Variants in COL26A1 observed in about 807,000 individuals in gnomAD.
COL26A1 encodes collagen type XXVI alpha 1 chain.
Under a neutral mutation model 59.3 loss-of-function variants are expected in COL26A1, and 41 were observed. That is an observed-to-expected ratio of 0.69 (90% CI 0.54 to 0.90). The LOEUF is 0.90. Ranked by LOEUF, COL26A1 falls within the 40% of genes least tolerant of loss-of-function variation. The probability of loss-of-function intolerance (pLI) is 0.00; values close to 1 mark genes in which losing one functional copy is unlikely to be tolerated. For synonymous variants in COL26A1, 266 were observed against 256.0 expected (o/e 1.04, Z -0.37); for missense variants, 612 against 602.3 (o/e 1.02, Z -0.17).
At chr7:101,475,846 TTCTC>T (rs769853086) in intron 3 of COL26A1, among the ~76,000 whole-genome samples, 4 of 147,158 alleles carry the variant, frequency 2.7e-5, no homozygotes, top group African/African-American at 5.1e-5. Flanking sequence ...CTCTCTTTCT[TTCTC>T]TCTCTCTTTT....
intron 1 of COL26A1, among the ~76,000 whole-genome samples, chr7:101,369,709 C>T (rs991133200): frequency 6.6e-6 from 1 of 151,784 alleles, no homozygotes; most frequent in Non-Finnish European, 1.5e-5. Context: ...TCAGCTAGTC[C>T]TCTACTGATA....
At position 101,484,964 on chromosome 7, in the gene COL26A1, G is replaced by C. The variant is rs188779012; in HGVS notation, c.385+37177G>C. On this transcript the variant is annotated intron_variant, in intron 3 of 12. Transcript: ENST00000313669. ...CTGCCTCCTGGGTTCAGATGATTCT[G>C]CCTCAGTCTCTGAAGTAGCTGGGAT... is the stretch of plus-strand genomic sequence containing the variant. Among the ~76,000 whole-genome samples the C allele has an allele frequency of 2.5e-3, 382 of 152,234 alleles. 1 individual carries two copies. The highest frequency in any genetic ancestry group is 8.6e-3 in the African/African-American group (358 of 41,536).
intron 1 of COL26A1, among the ~76,000 whole-genome samples, chr7:101,402,564 TTTCTTTCTTTCC>T (rs1338140704): frequency 5.4e-4 from 82 of 151,910 alleles, no homozygotes; most frequent in Non-Finnish European, 8.4e-4. Flanking sequence ...TTTTTCTTTC[TTTCTTTCTTTCC>T]TTCATTCTTT....
intron 1 of COL26A1, among the ~76,000 whole-genome samples, chr7:101,382,398 C>T (rs1014895231): frequency 6.6e-6 from 1 of 152,118 alleles, no homozygotes; most frequent in African/African-American, 2.4e-5. Flanking sequence ...TTTGCCCAAA[C>T]TGCCTTCACA....
intron 1 of COL26A1, among the ~76,000 whole-genome samples, chr7:101,409,499 A>G (rs1792196509): frequency 6.6e-6 from 1 of 152,160 alleles, no homozygotes; most frequent in Non-Finnish European, 1.5e-5. Context: ...ACATGTATTC[A>G]TTTGCCAGGG....
In COL26A1 at chr7:101,551,159, G is replaced by A; in HGVS notation, c.1029+16G>A. On this transcript the variant is annotated intron_variant, in intron 10 of 12. Transcript: ENST00000313669. Reference sequence around the variant, plus strand: ...GGGGCCGTCCGTAAGTGTGGGCTGTGCAGATGGGCCTGGGCCACTCCCAGG... The same window carrying A: ...GGGGCCGTCCGTAAGTGTGGGCTGTACAGATGGGCCTGGGCCACTCCCAGG... 6.5e-7 allele frequency: 1 copy of A among 1,535,760 alleles called. No individual in the cohort carries two copies.
intron 1 of COL26A1, among the ~76,000 whole-genome samples, chr7:101,403,794 T>C (rs954738996): frequency 2.6e-5 from 4 of 152,026 alleles, no homozygotes; most frequent in African/African-American, 9.7e-5. Flanking sequence ...TGGTTAAATT[T>C]CAGATTAAAG....
At chr7:101,458,016 C>A (rs1267866091) in intron 3 of COL26A1, among the ~76,000 whole-genome samples, 1 of 151,764 alleles carries the variant, frequency 6.6e-6, no homozygotes, top group Admixed American at 6.6e-5. Flanking sequence ...CCTGCCTCAG[C>A]CTCCCAAGTA....
chr7:101,469,155 G>A (rs1793834891), intron 3 of COL26A1, among the ~76,000 whole-genome samples: 1 of 152,200 alleles, frequency 6.6e-6, no homozygotes, highest in African/African-American at 2.4e-5. Context: ...CAGAGGAATA[G>A]CTTTATGGAC....
chr7:101,517,898 C>G (rs1360294186), intron 3 of COL26A1, among the ~76,000 whole-genome samples: 1 of 143,200 alleles, frequency 7.0e-6, no homozygotes, highest in Non-Finnish European at 1.5e-5. Context: ...ACTACAGCTT[C>G]GAACTCCTGG....
At chr7:101,505,900 C>G (rs1393087897) in intron 3 of COL26A1, among the ~76,000 whole-genome samples, 1 of 152,212 alleles carries the variant, frequency 6.6e-6, no homozygotes, top group African/African-American at 2.4e-5. Context: ...TGAGGCCCAA[C>G]AGCCCAGAGA....
chr7:101,468,481 G>A (rs977943607), intron 3 of COL26A1, among the ~76,000 whole-genome samples: 1 of 152,162 alleles, frequency 6.6e-6, no homozygotes, highest in Non-Finnish European at 1.5e-5. Flanking sequence ...GAGTAGCCCT[G>A]CTGGGGAAGG....
At chr7:101,386,273 T>TTGTTTTGTTTTTTTAA (rs1554403866) in intron 1 of COL26A1, among the ~76,000 whole-genome samples, 69 of 149,010 alleles carry the variant, frequency 4.6e-4, no homozygotes, top group African/African-American at 1.6e-3. Context: ...TTTTTTTTTT[T>TTGTTTTGTTTTTTTAA]TTTTTTTAAT....
chr7:101,423,264 TCAAAA>T (rs1792567829), intron 2 of COL26A1, among the ~76,000 whole-genome samples: 1 of 150,538 alleles, frequency 6.6e-6, no homozygotes, highest in African/African-American at 2.4e-5. Flanking sequence ...AGACTTCCTC[TCAAAA>T]CAAAAACCAA....
At chr7:101,501,082 A>G (rs1462195367) in intron 3 of COL26A1, among the ~76,000 whole-genome samples, 2 of 150,636 alleles carry the variant, frequency 1.3e-5, no homozygotes, top group Non-Finnish European at 3.0e-5. Flanking sequence ...GCTACTAGGG[A>G]GGCTGAGGCA....
intron 3 of COL26A1, among the ~76,000 whole-genome samples, chr7:101,530,678 T>G (rs1403259075): frequency 2.0e-5 from 3 of 149,268 alleles, no homozygotes; most frequent in Non-Finnish European, 4.5e-5. Flanking sequence ...CACCGTTTCA[T>G]CAGGGATGTT....
chr7:101,517,946 T>C (rs1378551967), intron 3 of COL26A1, among the ~76,000 whole-genome samples: 2 of 151,542 alleles, frequency 1.3e-5, no homozygotes, highest in African/African-American at 4.9e-5. Flanking sequence ...CCCGAGTAGC[T>C]GGGACTACAG....
At chr7:101,519,380 A>T (rs1795093683) in intron 3 of COL26A1, among the ~76,000 whole-genome samples, 1 of 152,168 alleles carries the variant, frequency 6.6e-6, no homozygotes, top group Non-Finnish European at 1.5e-5. Context: ...GTGTCATCAT[A>T]GCTCACTGCT....
chr7:101,421,577 A>C (rs1303659879), intron 2 of COL26A1, among the ~76,000 whole-genome samples: 2 of 151,952 alleles, frequency 1.3e-5, no homozygotes, highest in Non-Finnish European at 2.9e-5. Context: ...GAGGAGGCTG[A>C]GGCAGGAGAA....
Sources: gnomAD v4.1 joint callset for allele counts (sites outside exome capture counted in the v4.1 genomes callset) on GRCh38, gnomAD v4.1.1 for gene constraint, MANE v1.5 for transcripts, NCBI Gene and HGNC (gene_info 2026-07-23, HGNC 2026-07-21) for gene names.